Variants in MFNG observed in about 807,000 individuals in gnomAD.
MFNG encodes the protein MFNG O-fucosylpeptide 3-beta-N-acetylglucosaminyltransferase.
MFNG carries 24 observed loss-of-function variants against 34.2 expected under a neutral mutation model. That is an observed-to-expected ratio of 0.70 (90% CI 0.51 to 0.99). MFNG has a LOEUF of 0.99. Among genes scored for constraint, MFNG ranks in the 50% least tolerant of loss-of-function variants. The pLI is 0.00. For synonymous variants in MFNG, 158 were observed against 179.2 expected (o/e 0.88, Z 0.94); for missense variants, 383 against 424.0 (o/e 0.90, Z 0.85).
chr22:37,472,549 GT>G, intron 6 of MFNG, 21 bp from the exon 7 acceptor site: 1 of 1,568,936 alleles, frequency 6.4e-7, no homozygotes, highest in Non-Finnish European at 8.6e-7. Flanking sequence ...AGATAGAAGA[GT>G]GTTGGGGCAT....
chr22:37,472,519 T>C lies in MFNG; in HGVS notation c.823A>G (p.Ser275Gly). The change falls in exon 7 of 8, where the codon AGC (serine) becomes GGC (glycine). Residue 275 changes from serine (S) to glycine (G), a missense_variant. Transcript: ENST00000356998. The stretch of plus-strand genomic sequence containing the variant: ...AGTTTCCCCTCAAAGACACCGTAGC[T>C]GAGGGTGACCTGGGCAGGGAGATAG... Reference protein sequence around the residue: ...TAQLPEQVTLSYGVFEGKLNV... With the variant: ...TAQLPEQVTLGYGVFEGKLNV... 1 of 1,580,956 alleles carries C rather than the reference T, an allele frequency of 6.3e-7. No homozygotes were observed. The highest frequency in any genetic ancestry group is 1.2e-5 in the South Asian group (1 of 86,864).
intron 4 of MFNG, among the ~76,000 whole-genome samples, chr22:37,477,652 G>A (rs1398134610): frequency 6.6e-6 from 1 of 152,104 alleles, no homozygotes; most frequent in Non-Finnish European, 1.5e-5. Context: ...TTAACTATTT[G>A]TTGGCCAGGC....
intron 1 of MFNG, chr22:37,481,499 T>C (rs1922289929): frequency 6.6e-6 from 1 of 152,260 alleles, no homozygotes; most frequent in South Asian, 2.1e-4. Context: ...GCTCAGCCCC[T>C]ACATAATCCA....
chr22:37,484,606 C>T (rs1005303706), intron 1 of MFNG: 1 of 152,390 alleles, frequency 6.6e-6, no homozygotes, highest in Non-Finnish European at 1.5e-5. Context: ...GGCACCACCG[C>T]GGTGATGGAG....
At chr22:37,473,473 G>A (rs896980486) in intron 6 of MFNG, among the ~76,000 whole-genome samples, 3 of 151,202 alleles carry the variant, frequency 2.0e-5, no homozygotes, top group African/African-American at 7.3e-5. Context: ...GCCTGGCATT[G>A]TGGGTACTCA....
At chr22:37,480,878 G>A (rs1922264317) in intron 1 of MFNG, 109 bp from the exon 2 acceptor site, 1 of 904,622 alleles carries the variant, frequency 1.1e-6, no homozygotes, top group Non-Finnish European at 1.8e-6. Flanking sequence ...CTCCTCCAGT[G>A]ACAGACACAC....
At chr22:37,480,320 C>T (rs1166654411) in intron 2 of MFNG, 21 bp from the exon 3 acceptor site, 2 of 1,597,278 alleles carry the variant, frequency 1.3e-6, no homozygotes, top group Non-Finnish European at 1.7e-6. Context: ...GAGGAGGAGT[C>T]AGGGGACCCT....
chr22:37,479,418 C>A lies in MFNG; in HGVS notation c.488G>T (p.Arg163Leu), dbSNP rs775741057. ...GCTGGGCCTTCCCACATAGACGTCGCGGGCCAGCGGGAAGGCTCTCAGAAG... is the reference window on the plus strand; with the variant it reads ...GCTGGGCCTTCCCACATAGACGTCGAGGGCCAGCGGGAAGGCTCTCAGAAG... ...LQLLRAFPLARDVYVGRPSLN... is the reference protein window; with the variant it reads ...LQLLRAFPLALDVYVGRPSLN... The change falls in exon 4 of 8, where the codon CGC becomes CTC. Residue 163 changes from arginine (R) to leucine (L), a missense_variant. Physicochemically the swap from Arg to Leu is moderately radical, Grantham distance 102 (BLOSUM62 -2). Transcript: ENST00000356998. 4.4e-6 allele frequency: 7 copies of A among 1,608,762 alleles called. No homozygotes were observed. The highest frequency in any genetic ancestry group is 5.1e-6 in the Non-Finnish European group (6 of 1,177,662).
At chr22:37,477,063 C>G in intron 4 of MFNG, 82 bp from the exon 5 acceptor site, 1 of 1,199,636 alleles carries the variant, frequency 8.3e-7, no homozygotes, top group Non-Finnish European at 1.2e-6. Flanking sequence ...CCCTTCACCC[C>G]CAACCAGCAT....
chr22:37,480,764 A>C lies in MFNG; in HGVS notation c.261T>G (p.Phe87Leu), dbSNP rs369191469. 1.8e-5 allele frequency: 29 copies of C among 1,613,338 alleles called. No individual in the cohort carries two copies. Among genetic ancestry groups the C allele is most frequent in the Non-Finnish European group, 2.0e-5 (24 of 1,179,806 alleles). ...TWVSRTREQT[F>L]VFTDSPDKGL... ...CTTTGTCTGGGCTGTCGGTGAAGAC[A>C]AATGTCTAGGAAGGAGAAGAAGGGG... Residue 87 changes from phenylalanine to leucine, a missense_variant, in exon 2 of 8, where the codon TTT becomes TTG. By Grantham distance (22) the Phe-to-Leu change is conservative. Coordinates refer to ENST00000356998, the MANE Select transcript of MFNG (RefSeq NM_002405.4).
intron 5 of MFNG, 53 bp downstream of exon 5, chr22:37,476,843 C>T (rs2145731029): frequency 1.4e-6 from 2 of 1,456,436 alleles, no homozygotes; most frequent in East Asian, 2.3e-5. Flanking sequence ...CCTCCTGTAC[C>T]CCAGCTGCCA....
At chr22:37,471,607 G>A (rs907300283) in intron 7 of MFNG, among the ~76,000 whole-genome samples, 1 of 152,094 alleles carries the variant, frequency 6.6e-6, no homozygotes, top group African/African-American at 2.4e-5. Flanking sequence ...AAGGCAGGCG[G>A]ATCACTTGAG....
At position 37,475,212 on chromosome 22, in the gene MFNG, A is replaced by ATTTG. The variant is rs535395395; in HGVS notation, c.648-539_648-536dup. 9.8e-3 allele frequency among the ~76,000 whole-genome samples: 1,482 copies of ATTTG among 151,830 alleles called. 21 individuals carry two copies. The highest frequency in any genetic ancestry group is 0.033 in the African/African-American group (1,358 of 41,360). ...GAGGTGGCAGCTTTTTTGTGTGTTC[A>ATTTG]TTTGTTTGTTTGTTTGTTTGTTTGT... On this transcript the variant is annotated intron_variant, in intron 5 of 7. Coordinates refer to ENST00000356998, the MANE Select transcript of MFNG (RefSeq NM_002405.4).
At chr22:37,474,432 G>A (rs561897399) in intron 6 of MFNG, 80 bp downstream of exon 6, 18 of 1,512,924 alleles carry the variant, frequency 1.2e-5, no homozygotes, top group East Asian at 7.2e-5. Context: ...TCTTTCAAAC[G>A]CCAGGAGGGA....
intron 1 of MFNG, among the ~76,000 whole-genome samples, chr22:37,484,995 G>A (rs1037031809): frequency 1.3e-5 from 2 of 151,908 alleles, no homozygotes; most frequent in African/African-American, 2.4e-5. Flanking sequence ...GTGTGTGTGT[G>A]TGTACCCATT....
At position 37,486,105 on chromosome 22, in the gene MFNG, G is replaced by A. The variant is rs1174070746; in HGVS notation, c.73C>T (p.Arg25Trp). ...TGCGGGGACAGGTTCAAGTGGTACC[G>A]CAGACACAGGAGCCCCATGCACAGG... ...TLLCMGLLCL[R>W]YHLNLSPQRV... is the part of the protein sequence containing the mutation. Residue 25 changes from arginine to tryptophan, a missense_variant, in exon 1 of 8, where the codon CGG becomes TGG. Arg to Trp is a moderately radical substitution (Grantham distance 101, BLOSUM62 -3). Coordinates refer to ENST00000356998, the MANE Select transcript of MFNG (RefSeq NM_002405.4). 9 of 1,612,248 alleles carry A rather than the reference G, an allele frequency of 5.6e-6. No individual in the cohort carries two copies. The highest frequency in any genetic ancestry group is 1.7e-5 in the Admixed American group (1 of 59,944).
chr22:37,477,915 G>A (rs146536227), intron 4 of MFNG, among the ~76,000 whole-genome samples: 223 of 152,300 alleles, frequency 1.5e-3, no homozygotes, highest in Non-Finnish European at 2.3e-3. Context: ...AGAGAGGTGA[G>A]GTGACCTCAG....
rs756769659 is a variant in MFNG at position 37,472,544 on chromosome 22, G to C, written c.814-16C>G. 6.3e-7 allele frequency: 1 copy of C among 1,577,718 alleles called. No individual in the cohort carries two copies. The highest frequency in any genetic ancestry group is 2.4e-5 in the East Asian group (1 of 40,908). Reference sequence around the variant, plus strand: ...TGAGGGTGACCTGGGCAGGGAGATAGAAGAGTGTTGGGGCATCACACTGGG... The same window carrying C: ...TGAGGGTGACCTGGGCAGGGAGATACAAGAGTGTTGGGGCATCACACTGGG... On this transcript the variant is annotated splice_polypyrimidine_tract_variant and intron_variant, in intron 6 of 7. Coordinates refer to ENST00000356998, the MANE Select transcript of MFNG (RefSeq NM_002405.4).
Position 37,486,081 on chromosome 22 carries a change from G to T in MFNG, c.97C>A (p.Gln33Lys), listed in dbSNP as rs763501433. The T allele has an allele frequency of 6.2e-7, 1 of 1,613,678 alleles. No individual in the cohort carries two copies. Residue 33 changes from glutamine to lysine, a missense_variant, in exon 1 of 8, where the codon CAG becomes AAG. Transcript: ENST00000356998. Reference sequence around the variant, plus strand: ...AGCTCGGGGGTCCCTTGTACCCGCTGCGGGGACAGGTTCAAGTGGTACCGC... The same window carrying T: ...AGCTCGGGGGTCCCTTGTACCCGCTTCGGGGACAGGTTCAAGTGGTACCGC... ...CLRYHLNLSP[Q>K]RVQGTPELSQ...
Sources: gnomAD v4.1 joint callset for allele counts (sites outside exome capture counted in the v4.1 genomes callset) on GRCh38, gnomAD v4.1.1 for gene constraint, MANE v1.5 for transcripts, NCBI Gene and HGNC (gene_info 2026-07-23, HGNC 2026-07-21) for gene names.